The following ZNF124 variants were observed in gnomAD, a reference collection of about 807,000 sequenced individuals.
ZNF124 encodes zinc finger protein 124.
ZNF124 carries 25 observed loss-of-function variants against 26.6 expected under a neutral mutation model. That is an observed-to-expected ratio of 0.94 (90% CI 0.68 to 1.31). The LOEUF (loss-of-function observed/expected upper bound fraction) is 1.31, where lower values mean the gene tolerates loss of function less well. ZNF124 is among the 40% of genes most tolerant of loss of function. The pLI is 0.00. For synonymous variants in ZNF124, 129 were observed against 133.3 expected (o/e 0.97, Z 0.22); for missense variants, 444 against 422.2 (o/e 1.05, Z -0.45).
At chr1:247,132,379 TTCTCCTCCAAA>T (rs1672388045) in intron 3 of ZNF124, among the ~76,000 whole-genome samples, 1 of 152,158 alleles carries the variant, frequency 6.6e-6, no homozygotes, top group Admixed American at 6.5e-5. Flanking sequence ...AGAGTACCTC[TTCTCCTCCAAA>T]TGATCACAAC....
At chr1:247,147,167 T>G (rs1558379113) in intron 3 of ZNF124, among the ~76,000 whole-genome samples, 1 of 148,858 alleles carries the variant, frequency 6.7e-6, no homozygotes, top group Non-Finnish European at 1.5e-5. Context: ...TTTAGCAAGT[T>G]TTTTTTTTTT....
At chr1:247,161,659 GAAA>G (rs374388105) in intron 1 of ZNF124, among the ~76,000 whole-genome samples, 6 of 150,498 alleles carry the variant, frequency 4.0e-5, no homozygotes, top group East Asian at 3.9e-4. Flanking sequence ...TAAAAAATGG[GAAA>G]AAAAAGCAAA....
At chr1:247,134,524 G>A (rs1043566727) in intron 3 of ZNF124, among the ~76,000 whole-genome samples, 3 of 152,150 alleles carry the variant, frequency 2.0e-5, no homozygotes, top group African/African-American at 7.2e-5. Context: ...ACTGCATAAT[G>A]GTAAAGGGAA....
At chr1:247,153,098 A>G (rs957562804), downstream of ZNF124, among the ~76,000 whole-genome samples, 1 of 150,962 alleles carries the variant, frequency 6.6e-6, no homozygotes, top group Non-Finnish European at 1.5e-5. Flanking sequence ...GCGCCACTGC[A>G]CTCCAGCCTG....
In ZNF124 at chr1:247,155,197, C is replaced by G. The variant is rs1456071609; in HGVS notation, c.*1369G>C. 6.6e-6 allele frequency among the ~76,000 whole-genome samples: 1 copy of G among 152,064 alleles called. No homozygotes were observed. The highest frequency in any genetic ancestry group is 6.6e-5 in the Admixed American group (1 of 15,264). ...AAATAATAATTCACGTGAGAATATACTCTATAATAAACTTTACATACTTAC... is the reference window on the plus strand; with the variant it reads ...AAATAATAATTCACGTGAGAATATAGTCTATAATAAACTTTACATACTTAC... On this transcript the variant is annotated 3_prime_UTR_variant, in exon 4 of 4. Coordinates refer to ENST00000543802, the MANE Select transcript of ZNF124 (RefSeq NM_001297568.2).
At chr1:247,122,078 T>C (rs1381667346) in exon 4 of ZNF124, 2 of 152,274 alleles carry the variant, frequency 1.3e-5, no homozygotes, top group African/African-American at 4.8e-5. Context: ...GACAGCACAC[T>C]GAGCCCACAT....
chr1:247,137,641 G>A (rs940295342), intron 3 of ZNF124, among the ~76,000 whole-genome samples: 14 of 151,980 alleles, frequency 9.2e-5, no homozygotes, highest in African/African-American at 2.4e-4. Context: ...CTTATGCACA[G>A]CAAAAGAAAC....
chr1:247,128,339 C>T (rs1370128230), intron 3 of ZNF124, among the ~76,000 whole-genome samples: 8 of 150,012 alleles, frequency 5.3e-5, no homozygotes, highest in East Asian at 2.0e-4. Flanking sequence ...GGAACCTTCA[C>T]GTGGTGTTGT....
chr1:247,163,042 C>G (rs558986081), intron 1 of ZNF124, among the ~76,000 whole-genome samples: 17 of 152,100 alleles, frequency 1.1e-4, no homozygotes, highest in African/African-American at 4.1e-4. Context: ...AGCCATAAAA[C>G]AATCCTCAAC....
At chr1:247,165,642 A>G (rs1673737017) in intron 1 of ZNF124, among the ~76,000 whole-genome samples, 1 of 152,216 alleles carries the variant, frequency 6.6e-6, no homozygotes, top group African/African-American at 2.4e-5. Flanking sequence ...AGTGAGAGAA[A>G]ATATCTGCAA....
At chr1:247,159,979 C>CTT (rs1212199135) in intron 1 of ZNF124, 166 bp from the exon 2 acceptor site, 3,492 of 147,490 alleles carry the variant, frequency 0.024, 12 homozygotes, top group East Asian at 0.038. Context: ...CATAGCAGTT[C>CTT]TTTTTTTTTT....
chr1:247,166,479 A>G (rs1395828832), intron 1 of ZNF124, among the ~76,000 whole-genome samples: 2 of 152,226 alleles, frequency 1.3e-5, no homozygotes, highest in African/African-American at 2.4e-5. Context: ...TCTACTGTTG[A>G]TGGGCATTTA....
At chr1:247,135,395 AATACT>A (rs1297298578) in intron 3 of ZNF124, among the ~76,000 whole-genome samples, 1 of 152,238 alleles carries the variant, frequency 6.6e-6, no homozygotes, top group Non-Finnish European at 1.5e-5. Context: ...ACCATCAGAG[AATACT>A]ATAAACACTC....
In ZNF124 at chr1:247,155,632, C is replaced by T. The variant is rs1056192377; in HGVS notation, c.*934G>A. Among the ~76,000 whole-genome samples the T allele has an allele frequency of 1.3e-5, 2 of 151,974 alleles. No individual in the cohort carries two copies. Among genetic ancestry groups the T allele is most frequent in the African/African-American group, 4.8e-5 (2 of 41,386 alleles). ...ATCCCAGCACTTTGGGAGGCTGAAG[C>T]GGGCGGATCACGAGGTCAGGAGATT... On this transcript the variant is annotated 3_prime_UTR_variant, in exon 4 of 4. Transcript: ENST00000543802.
intron 3 of ZNF124, among the ~76,000 whole-genome samples, chr1:247,131,948 C>G (rs1364445652): frequency 1.3e-5 from 2 of 152,202 alleles, no homozygotes; most frequent in African/African-American, 4.8e-5. Context: ...TAAACGGGTC[C>G]TTTTCCCTGT....
chr1:247,159,921 C>G (rs1043543787), intron 1 of ZNF124, 108 bp from the exon 2 acceptor site: 22 of 1,346,564 alleles, frequency 1.6e-5, no homozygotes, highest in Non-Finnish European at 2.1e-5. Flanking sequence ...ATTTATTCTA[C>G]TATTTGGTCA....
intron 3 of ZNF124, among the ~76,000 whole-genome samples, chr1:247,134,080 G>A (rs572949799): frequency 3.4e-4 from 52 of 152,182 alleles, no homozygotes; most frequent in African/African-American, 1.2e-3. Context: ...TACCAGGCCC[G>A]TGCTGCAAGA....
chr1:247,143,335 C>A (rs1175613439), intron 3 of ZNF124, among the ~76,000 whole-genome samples: 1 of 151,886 alleles, frequency 6.6e-6, no homozygotes, highest in East Asian at 1.9e-4. Flanking sequence ...CTAAAAAATC[C>A]CTGAGGAAAT....
chr1:247,166,691 C>G (rs1673798672), intron 1 of ZNF124, among the ~76,000 whole-genome samples: 1 of 152,194 alleles, frequency 6.6e-6, no homozygotes, highest in South Asian at 2.1e-4. Context: ...TAGAAACACA[C>G]AGTGTACCAA....
Sources: allele counts gnomAD v4.1 joint callset (sites outside exome capture counted in the v4.1 genomes callset), GRCh38; gene constraint gnomAD v4.1.1; transcripts MANE v1.5; gene names NCBI Gene and HGNC (gene_info 2026-07-23, HGNC 2026-07-21).